RORA: variants seen among roughly 807,000 people sequenced by gnomAD.
The protein encoded by RORA is nuclear receptor ROR-alpha.
Under a neutral mutation model 69.5 loss-of-function variants are expected in RORA, and 7 were observed. That is an observed-to-expected ratio of 0.10 (90% CI 0.06 to 0.19). The LOEUF (loss-of-function observed/expected upper bound fraction) is 0.19, where lower values mean the gene tolerates loss of function less well. RORA is among the 10% of genes least tolerant of loss of function. The probability of loss-of-function intolerance (pLI) is 1.00; values close to 1 mark genes in which losing one functional copy is unlikely to be tolerated. For synonymous variants in RORA, 261 were observed against 240.8 expected, an observed-to-expected ratio of 1.08 and a Z score of -0.78; for missense variants, 457 against 663.0, an observed-to-expected ratio of 0.69 and a Z score of 3.41.
chr15:61,221,768 TA>T (rs1411154073), intron 1 of RORA, among the ~76,000 whole-genome samples: 1 of 152,130 alleles, frequency 6.6e-6, no homozygotes, highest in Non-Finnish European at 1.5e-5. Flanking sequence ...GATCCTATAC[TA>T]AGTGGCACCC....
intron 1 of RORA, among the ~76,000 whole-genome samples, chr15:60,857,356 G>C (rs1239161955): frequency 2.0e-5 from 3 of 152,070 alleles, no homozygotes; most frequent in Non-Finnish European, 4.4e-5. Flanking sequence ...AGAAGCCCGA[G>C]ACTGAAATGA....
chr15:60,683,385 AC>A (rs1278977372), intron 1 of RORA, among the ~76,000 whole-genome samples: 8 of 152,148 alleles, frequency 5.3e-5, no homozygotes, highest in Admixed American at 2.6e-4. Flanking sequence ...ATCAAGCCAA[AC>A]CACATCTTTC....
At chr15:60,856,165 T>C (rs935233705) in intron 1 of RORA, among the ~76,000 whole-genome samples, 1 of 152,116 alleles carries the variant, frequency 6.6e-6, no homozygotes, top group African/African-American at 2.4e-5. Context: ...CTGGGGAAAC[T>C]GATGAAGTGG....
rs550486161 is a variant in RORA at position 60,829,154 on chromosome 15, C to T, written c.167-150468G>A. On this transcript the variant is annotated intron_variant, in intron 1 of 10. Coordinates refer to ENST00000335670, the MANE Select transcript of RORA (RefSeq NM_134261.3). ...CCCACTCTGGTTCAAGCCTCACCTT[C>T]GCTTACCTGGACTGCTGCCAGCCTG... Among the ~76,000 whole-genome samples the T allele has an allele frequency of 8.5e-5, 13 of 152,240 alleles. No homozygotes were observed. The East Asian group carries it at 2.3e-3, about 27-fold the overall frequency.
chr15:60,953,942 G>A (rs988167492), intron 1 of RORA, among the ~76,000 whole-genome samples: 1 of 151,526 alleles, frequency 6.6e-6, no homozygotes, highest in Non-Finnish European at 1.5e-5. Context: ...CCATTACTGG[G>A]TATATACCCA....
chr15:60,990,570 T>C lies in RORA; in HGVS notation c.166+238483A>G, dbSNP rs147204422. ...TTATCATGAATATTCTTCAGGAATG[T>C]AAACTGATAAGACAGCAGATCCTGG... is the stretch of plus-strand genomic sequence containing the variant. On this transcript the variant is annotated intron_variant, in intron 1 of 10. Coordinates refer to ENST00000335670, the MANE Select transcript of RORA (RefSeq NM_134261.3). Among the ~76,000 whole-genome samples, 650 of 152,308 alleles carry C rather than the reference T, an allele frequency of 4.3e-3. 8 individuals carry two copies. Among genetic ancestry groups the C allele is most frequent in the African/African-American group, 0.015 (622 of 41,564 alleles).
intron 1 of RORA, among the ~76,000 whole-genome samples, chr15:61,118,420 T>C (rs994673828): frequency 1.3e-5 from 2 of 152,324 alleles, no homozygotes; most frequent in African/African-American, 4.8e-5. Flanking sequence ...TGAGTTCTTT[T>C]GCATCTCTGG....
chr15:60,935,635 T>A (rs183069965), intron 1 of RORA, among the ~76,000 whole-genome samples: 4 of 152,342 alleles, frequency 2.6e-5, no homozygotes, highest in African/African-American at 9.6e-5. Flanking sequence ...CATCCATTAC[T>A]TATTTATGTT....
At chr15:60,999,576 G>A (rs917439935) in intron 1 of RORA, among the ~76,000 whole-genome samples, 8 of 152,104 alleles carry the variant, frequency 5.3e-5, no homozygotes, top group East Asian at 3.9e-4. Flanking sequence ...CTGTGTCCAT[G>A]CCCCATCTCT....
intron 1 of RORA, among the ~76,000 whole-genome samples, chr15:61,083,397 G>A (rs1031490014): frequency 6.6e-6 from 1 of 152,162 alleles, no homozygotes; most frequent in Non-Finnish European, 1.5e-5. Flanking sequence ...TGGGCCAAGA[G>A]GTAGCAGTTC....
chr15:61,083,498 T>C (rs372431752), intron 1 of RORA, among the ~76,000 whole-genome samples: 2 of 152,086 alleles, frequency 1.3e-5, no homozygotes, highest in South Asian at 4.1e-4. Context: ...AATCTCTCCA[T>C]GTTCAGAAGC....
chr15:61,001,441 G>T (rs1175659144), intron 1 of RORA, among the ~76,000 whole-genome samples: 1 of 152,236 alleles, frequency 6.6e-6, no homozygotes. Context: ...GAAAACTAAC[G>T]TGATGTGCTG....
At chr15:60,831,933 T>C (rs890221344) in intron 1 of RORA, among the ~76,000 whole-genome samples, 1 of 152,196 alleles carries the variant, frequency 6.6e-6, no homozygotes, top group Non-Finnish European at 1.5e-5. Context: ...GCAGCTAATA[T>C]GGTAGGAGGT....
chr15:61,112,620 G>A (rs1053318073), intron 1 of RORA, among the ~76,000 whole-genome samples: 2 of 152,178 alleles, frequency 1.3e-5, no homozygotes, highest in Non-Finnish European at 2.9e-5. Context: ...GAGTAATAAC[G>A]ATAATAATAG....
intron 1 of RORA, among the ~76,000 whole-genome samples, chr15:60,910,653 G>A (rs757560574): frequency 6.6e-6 from 1 of 152,258 alleles, no homozygotes; most frequent in East Asian, 1.9e-4. Context: ...AAAGAACTTA[G>A]AGAGAAACAG....
intron 3 of RORA, among the ~76,000 whole-genome samples, chr15:60,519,171 T>C (rs1191908935): frequency 1.3e-5 from 2 of 152,198 alleles, no homozygotes; most frequent in Admixed American, 6.5e-5. Context: ...GACTACTGTG[T>C]AACAAACTTC....
At chr15:61,008,203 CTGTGTGTGTGTGTGTGTG>C (rs10581853) in intron 1 of RORA, among the ~76,000 whole-genome samples, 4 of 135,058 alleles carry the variant, frequency 3.0e-5, no homozygotes, top group Non-Finnish European at 6.4e-5. Context: ...CTCTCTCTCT[CTGTGTGTGTGTGTGTGTG>C]TGTGTGTGTG....
chr15:60,529,980 C>G (rs748503515), intron 3 of RORA: 2 of 152,204 alleles, frequency 1.3e-5, no homozygotes, highest in Non-Finnish European at 2.9e-5. Flanking sequence ...GGGATGCTGC[C>G]TAGAACCCTG....
chr15:60,589,303 G>A (rs932063778), intron 2 of RORA, among the ~76,000 whole-genome samples: 7 of 152,232 alleles, frequency 4.6e-5, no homozygotes, highest in African/African-American at 1.4e-4. Context: ...GTGGTGAGGA[G>A]TCTTGCATTT....
Sources: allele counts gnomAD v4.1 joint callset (sites outside exome capture counted in the v4.1 genomes callset), GRCh38; gene constraint gnomAD v4.1.1; transcripts MANE v1.5; gene names NCBI Gene and HGNC (gene_info 2026-07-23, HGNC 2026-07-21).